The following MACROD2 variants were observed in gnomAD, a reference collection of about 807,000 sequenced individuals.
MACROD2 encodes the protein ADP-ribose glycohydrolase MACROD2.
MACROD2 carries 36 observed loss-of-function variants against 70.4 expected under a neutral mutation model. The observed-to-expected ratio is 0.51, with a 90% CI of 0.39 to 0.68. The LOEUF (loss-of-function observed/expected upper bound fraction) is 0.68, where lower values mean the gene tolerates loss of function less well. Ranked by LOEUF, MACROD2 falls within the 30% of genes least tolerant of loss-of-function variation. MACROD2 has a pLI of 0.00. For synonymous variants in MACROD2, 172 were observed against 178.8 expected (o/e 0.96, Z 0.30); for missense variants, 496 against 538.4 (o/e 0.92, Z 0.78).
chr20:15,183,897 C>T (rs2076517534), intron 5 of MACROD2, among the ~76,000 whole-genome samples: 1 of 152,222 alleles, frequency 6.6e-6, no homozygotes, highest in Non-Finnish European at 1.5e-5. Flanking sequence ...ACTGCATGGG[C>T]CTGGAGCCCC....
At chr20:14,327,556 A>T in intron 3 of MACROD2, 1 of 1,535,086 alleles carries the variant, frequency 6.5e-7, no homozygotes, top group African/African-American at 1.4e-5. Context: ...TTACTTCAGA[A>T]CCCTAAAATG....
intron 2 of MACROD2, among the ~76,000 whole-genome samples, chr20:14,038,246 A>G (rs2053344433): frequency 6.6e-6 from 1 of 151,826 alleles, no homozygotes; most frequent in Non-Finnish European, 1.5e-5. Context: ...GTGAGCCGAG[A>G]TCGTGCCACT....
intron 3 of MACROD2, chr20:14,325,793 T>C: frequency 6.2e-7 from 1 of 1,613,934 alleles, no homozygotes; most frequent in Non-Finnish European, 8.5e-7. Flanking sequence ...TAGTCATCCT[T>C]TCTTCTCCTC....
At chr20:15,390,285 T>C (rs1246075589) in intron 6 of MACROD2, among the ~76,000 whole-genome samples, 1 of 152,188 alleles carries the variant, frequency 6.6e-6, no homozygotes, top group African/African-American at 2.4e-5. Context: ...AGCTTATCAA[T>C]GGGATGTTCT....
At chr20:15,560,211 A>G (rs1184605466) in intron 8 of MACROD2, among the ~76,000 whole-genome samples, 1 of 152,208 alleles carries the variant, frequency 6.6e-6, no homozygotes, top group Non-Finnish European at 1.5e-5. Flanking sequence ...ATTGTGTTGG[A>G]GTAAAATTAG....
At chr20:14,378,137 T>G (rs1157096275) in intron 3 of MACROD2, among the ~76,000 whole-genome samples, 1 of 152,202 alleles carries the variant, frequency 6.6e-6, no homozygotes, top group Non-Finnish European at 1.5e-5. Flanking sequence ...TTCCATAGTT[T>G]ATTAGTTTTA....
intron 5 of MACROD2, among the ~76,000 whole-genome samples, chr20:14,974,390 G>A (rs891447805): frequency 6.6e-6 from 1 of 152,148 alleles, no homozygotes; most frequent in African/African-American, 2.4e-5. Context: ...ATGACAATGG[G>A]TGGAGTATGT....
Position 14,326,334 on chromosome 20 carries a change from A to C in MACROD2, c.272-167145A>C. 6.2e-7 allele frequency: 1 copy of C among 1,613,862 alleles called. No homozygotes were observed. Among genetic ancestry groups the C allele is most frequent in the Non-Finnish European group, 8.5e-7 (1 of 1,179,852 alleles). On this transcript the variant is annotated intron_variant, in intron 3 of 17. Coordinates refer to ENST00000684519, the MANE Select transcript of MACROD2 (RefSeq NM_001351661.2). This position sits in a 1 kb window ranked among gnomAD's most constrained non-coding sequence, Gnocchi z 5.5. ...GATCCTTAGTGAGCTTGGGGTTCTTAATATCTGGCTGTTTGGTCACTGGAG... is the reference window on the plus strand; with the variant it reads ...GATCCTTAGTGAGCTTGGGGTTCTTCATATCTGGCTGTTTGGTCACTGGAG...
intron 6 of MACROD2, among the ~76,000 whole-genome samples, chr20:15,338,377 CCCTCCCCAAGG>C (rs2078071823): frequency 6.6e-6 from 1 of 151,616 alleles, no homozygotes; most frequent in Non-Finnish European, 1.5e-5. Context: ...GCTGCTAGCT[CCCTCCCCAAGG>C]CCTCCACTTC....
At chr20:14,658,123 A>T (rs952319841) in intron 4 of MACROD2, among the ~76,000 whole-genome samples, 3 of 152,154 alleles carry the variant, frequency 2.0e-5, no homozygotes, top group Non-Finnish European at 4.4e-5. Context: ...TTCTAAGATG[A>T]TGAGGGAAAA....
intron 8 of MACROD2, among the ~76,000 whole-genome samples, chr20:15,827,316 G>A (rs1349374860): frequency 2.0e-5 from 3 of 152,122 alleles, no homozygotes; most frequent in South Asian, 2.1e-4. Context: ...GGGAGATTAT[G>A]TATATAAGAT....
intron 13 of MACROD2, among the ~76,000 whole-genome samples, chr20:15,968,868 G>T (rs977516146): frequency 4.1e-5 from 6 of 147,038 alleles, no homozygotes; most frequent in Admixed American, 1.4e-4. Flanking sequence ...GAGAGAGAGA[G>T]AGACTGTTTA....
intron 4 of MACROD2, among the ~76,000 whole-genome samples, chr20:14,574,719 T>C (rs1366977093): frequency 6.6e-6 from 1 of 151,270 alleles, no homozygotes; most frequent in Non-Finnish European, 1.5e-5. Context: ...TCACATTTTA[T>C]AAATATTCAC....
intron 3 of MACROD2, among the ~76,000 whole-genome samples, chr20:14,188,875 A>T (rs1268949951): frequency 2.0e-5 from 3 of 152,134 alleles, no homozygotes; most frequent in Non-Finnish European, 4.4e-5. Context: ...AACTGGAAAA[A>T]CACATTATTT....
intron 7 of MACROD2, among the ~76,000 whole-genome samples, chr20:15,444,820 A>G (rs1198675899): frequency 1.3e-5 from 2 of 151,152 alleles, no homozygotes; most frequent in East Asian, 3.9e-4. Flanking sequence ...TATGAGGTTA[A>G]TAATGTAAAA....
chr20:15,055,995 C>T (rs1385938484), intron 5 of MACROD2, among the ~76,000 whole-genome samples: 3 of 152,100 alleles, frequency 2.0e-5, no homozygotes, highest in Admixed American at 1.3e-4. Flanking sequence ...CCATGTTGGC[C>T]AGGCTGGTCT....
Position 14,975,152 on chromosome 20 carries a change from A to C in MACROD2, c.419-254788A>C, listed in dbSNP as rs1286452255. Among the ~76,000 whole-genome samples, 3 of 152,020 alleles carry C rather than the reference A, an allele frequency of 2.0e-5. No individual in the cohort carries two copies. In the East Asian group the frequency reaches 5.8e-4, roughly 29 times the overall value. The stretch of plus-strand genomic sequence containing the variant: ...ATGAAAAATGTCTCTAGGCATCGCA[A>C]ATATCCACCGGGGTGAGGGGCAGGG... On this transcript the variant is annotated intron_variant, in intron 5 of 17. Coordinates refer to ENST00000684519, the MANE Select transcript of MACROD2 (RefSeq NM_001351661.2).
intron 5 of MACROD2, among the ~76,000 whole-genome samples, chr20:15,135,424 AAATGT>A (rs919263771): frequency 1.3e-5 from 2 of 150,444 alleles, no homozygotes; most frequent in Non-Finnish European, 3.0e-5. Flanking sequence ...GCAAATCAAT[AAATGT>A]AATCCAGCAT....
chr20:15,444,446 T>C (rs2046535661), intron 7 of MACROD2, among the ~76,000 whole-genome samples: 1 of 152,150 alleles, frequency 6.6e-6, no homozygotes, highest in Admixed American at 6.6e-5. Flanking sequence ...TTCCTTGCTG[T>C]TTCCATTCTT....
Sources: gnomAD v4.1 joint callset for allele counts (sites outside exome capture counted in the v4.1 genomes callset) on GRCh38, gnomAD v4.1.1 for gene constraint, Gnocchi (gnomAD v3.1) non-coding constraint, MANE v1.5 for transcripts, NCBI Gene and HGNC (gene_info 2026-07-23, HGNC 2026-07-21) for gene names.